STON1: variants seen among roughly 807,000 people sequenced by gnomAD.
The protein encoded by STON1 is stonin 1, also known as stonin-1.
A neutral mutation model predicts 60.9 loss-of-function variants in STON1; 79 were observed. That is an observed-to-expected ratio of 1.30 (90% confidence interval 1.08 to 1.56). The LOEUF (loss-of-function observed/expected upper bound fraction) is 1.56. Among genes scored for constraint, STON1 ranks in the 40% most tolerant of loss-of-function variants. The pLI is 0.00. For synonymous variants in STON1, 363 were observed against 306.9 expected, an observed-to-expected ratio of 1.18 and a Z score of -1.91; for missense variants, 1,166 against 858.9, an observed-to-expected ratio of 1.36 and a Z score of -4.47.
chr2:48,570,325 C>G (rs978945985), intron 1 of STON1, among the ~76,000 whole-genome samples: 2 of 151,742 alleles, frequency 1.3e-5, no homozygotes, highest in African/African-American at 2.4e-5. Context: ...CAGAGTGAGA[C>G]TCAGTCTCAA....
intron 1 of STON1, among the ~76,000 whole-genome samples, chr2:48,572,426 G>C (rs866121914): frequency 5.3e-5 from 8 of 152,154 alleles, no homozygotes; most frequent in Non-Finnish European, 8.8e-5. Flanking sequence ...GGACAGTGAG[G>C]GGGTAGGAGT....
At chr2:48,557,476 T>C (rs532778792) in intron 1 of STON1, among the ~76,000 whole-genome samples, 1 of 103,006 alleles carries the variant, frequency 9.7e-6, no homozygotes, top group African/African-American at 3.5e-5. Flanking sequence ...GAGGGGCTCC[T>C]CACATCCCAG....
chr2:48,549,809 TCAAAAA>T (rs1558582201), intron 1 of STON1, among the ~76,000 whole-genome samples: 1 of 29,380 alleles, frequency 3.4e-5, no homozygotes. Context: ...TGACTCCATC[TCAAAAA>T]AAAAAAAAAA....
intron 1 of STON1, among the ~76,000 whole-genome samples, chr2:48,565,965 C>G (rs1056927108): frequency 6.6e-6 from 1 of 152,160 alleles, no homozygotes; most frequent in African/African-American, 2.4e-5. Context: ...CCACCCAACT[C>G]CAAATCTTCT....
At chr2:48,577,906 G>A (rs1673611019) in intron 1 of STON1, among the ~76,000 whole-genome samples, 1 of 150,506 alleles carries the variant, frequency 6.6e-6, no homozygotes, top group Non-Finnish European at 1.5e-5. Flanking sequence ...ATGAGCCACC[G>A]AGCCCGGCCA....
At chr2:48,562,085 T>A (rs747455660) in intron 1 of STON1, among the ~76,000 whole-genome samples, 7 of 152,172 alleles carry the variant, frequency 4.6e-5, no homozygotes. Context: ...TGTCTCTAAC[T>A]CCTGACCTTA....
intron 1 of STON1, among the ~76,000 whole-genome samples, chr2:48,538,693 G>A (rs1183748285): frequency 6.6e-6 from 1 of 150,670 alleles, no homozygotes; most frequent in African/African-American, 2.4e-5. Flanking sequence ...TACTTCCAGG[G>A]TTCAAACAAT....
chr2:48,533,513 A>ATATAGAAAATTTTCTAG (rs1255990134), intron 1 of STON1, among the ~76,000 whole-genome samples: 21 of 151,798 alleles, frequency 1.4e-4, no homozygotes, highest in African/African-American at 4.8e-4. Flanking sequence ...ACATGATGAA[A>ATATAGAAAATTTTCTAG]ACCTGTCTCT....
intron 2 of STON1, among the ~76,000 whole-genome samples, chr2:48,586,697 T>C (rs955539093): frequency 2.0e-5 from 2 of 100,066 alleles, no homozygotes; most frequent in Non-Finnish European, 4.0e-5. Context: ...GAAGTTTATC[T>C]GTCAACAGGG....
chr2:48,564,476 CTTCTTTCTTCTTCTTCTTCTT>C (rs1672782417), intron 1 of STON1, among the ~76,000 whole-genome samples: 8 of 50,388 alleles, frequency 1.6e-4, no homozygotes, highest in African/African-American at 3.9e-4. Flanking sequence ...TCTTCTTCTT[CTTCTTTCTTCTTCTTCTTCTT>C]CTTCTTCTTC....
intron 1 of STON1, among the ~76,000 whole-genome samples, chr2:48,559,094 A>T (rs1279539109): frequency 6.6e-6 from 1 of 152,206 alleles, no homozygotes; most frequent in African/African-American, 2.4e-5. Flanking sequence ...GAAATCTGAA[A>T]CACTTCTGGT....
At chr2:48,577,966 C>T (rs886379331) in intron 1 of STON1, among the ~76,000 whole-genome samples, 1 of 150,966 alleles carries the variant, frequency 6.6e-6, no homozygotes, top group Non-Finnish European at 1.5e-5. Context: ...AGTTTCAAGT[C>T]TTATGTTTAA....
In STON1 at chr2:48,576,516, A is replaced by T. The variant is rs112662130; in HGVS notation, c.-47-4071A>T. Among the ~76,000 whole-genome samples the T allele has an allele frequency of 9.1e-3, 1,304 of 143,674 alleles. 19 individuals carry two copies. Among genetic ancestry groups the T allele is most frequent in the African/African-American group, 0.031 (1,143 of 36,904 alleles). 94.3% of individuals were successfully genotyped at this position (143,674 alleles called of 152,430 possible). A position where few individuals can be genotyped will look rare whatever the true frequency, so the allele number is the denominator to read the frequency against. ...TATTATCCTTTTTTTTTTTTTTTTT[A>T]AAAGAAAATAATGGCCATTCTAAAA... On this transcript the variant is annotated intron_variant, in intron 1 of 3. Coordinates refer to ENST00000404752, the MANE Select transcript of STON1 (RefSeq NM_006873.4).
Position 48,580,931 on chromosome 2 carries a change from C to T in STON1, c.298C>T (p.His100Tyr), listed in dbSNP as rs936199811. 2 of 1,600,310 alleles carry T rather than the reference C, an allele frequency of 1.2e-6. No individual in the cohort carries two copies. The highest frequency in any genetic ancestry group is 1.3e-5 in the African/African-American group (1 of 74,504). ...GFPGIPKAGTHVLYPIPESSS... is the reference protein window; with the variant it reads ...GFPGIPKAGTYVLYPIPESSS... ...TCCTGGCATCCCCAAAGCAGGGACT[C>T]ATGTGCTTTATCCTATTCCAGAATC... Residue 100 changes from histidine to tyrosine, a missense_variant, in exon 2 of 4, where the codon CAT becomes TAT. Physicochemically the swap from His to Tyr is moderately conservative, Grantham distance 83 (BLOSUM62 2). Coordinates refer to ENST00000404752, the MANE Select transcript of STON1 (RefSeq NM_006873.4).
chr2:48,581,257 A>T lies in STON1; in HGVS notation c.624A>T (p.Ser208=). The T allele has an allele frequency of 6.6e-7, 1 of 1,518,540 alleles. No individual in the cohort carries two copies. The highest frequency in any genetic ancestry group is 8.8e-7 in the Non-Finnish European group (1 of 1,138,210). The allele number at this position is 1,518,540 out of a possible 1,614,324, so 94.1% of individuals were successfully genotyped here. A position where few individuals can be genotyped will look rare whatever the true frequency, so the allele number is the denominator to read the frequency against. The change falls in exon 2 of 4, where the codon TCA becomes TCT. Residue 208 remains serine, a synonymous_variant. Coordinates refer to ENST00000404752, the MANE Select transcript of STON1 (RefSeq NM_006873.4). ...LDPPGSKKMF[S]SRNKEMPIDQ... ...CACCAGGAAGCAAAAAGATGTTCTC[A>T]TCAAGAAACAAGGAGATGCCTATTG...
intron 3 of STON1, among the ~76,000 whole-genome samples, chr2:48,592,387 T>C (rs552192480): frequency 6.6e-6 from 1 of 151,740 alleles, no homozygotes; most frequent in East Asian, 1.9e-4. Context: ...TAGTGTTCTG[T>C]GGAGCATGCT....
chr2:48,594,678 C>T (rs1422567261), intron 3 of STON1, among the ~76,000 whole-genome samples: 1 of 152,036 alleles, frequency 6.6e-6, no homozygotes, highest in East Asian at 1.9e-4. Context: ...CCTGGAGGAC[C>T]TCCAGGAGGA....
intron 1 of STON1, among the ~76,000 whole-genome samples, chr2:48,532,989 C>G (rs1671273167): frequency 6.6e-6 from 1 of 152,174 alleles, no homozygotes; most frequent in Non-Finnish European, 1.5e-5. Flanking sequence ...TGTGGTGATT[C>G]ATGCCTGTAA....
rs542933365 is a variant in STON1, at chr2:48,545,164, C to G, written c.-48+14948C>G. ...GTGATCAGGCTTTCCTGGGAATTGT[C>G]TGATAGGCTTGGACTTGCCTAGGTC... On this transcript the variant is annotated intron_variant, in intron 1 of 3. Coordinates refer to ENST00000404752, the MANE Select transcript of STON1 (RefSeq NM_006873.4). 7.2e-5 allele frequency among the ~76,000 whole-genome samples: 11 copies of G among 152,176 alleles called. No homozygotes were observed. In the South Asian group the frequency reaches 1.9e-3, roughly 26 times the overall value.
Sources: allele counts gnomAD v4.1 joint callset (sites outside exome capture counted in the v4.1 genomes callset), GRCh38; gene constraint gnomAD v4.1.1; transcripts MANE v1.5; gene names NCBI Gene and HGNC (gene_info 2026-07-23, HGNC 2026-07-21).